The following CADM2 variants were observed in gnomAD, a reference collection of about 807,000 sequenced individuals.
CADM2 encodes the protein immunoglobulin superfamily member 4D.
In CADM2, 12 loss-of-function variants were observed where a neutral mutation model predicts 49.8. The observed-to-expected ratio is 0.24, with a 90% CI of 0.15 to 0.39. The LOEUF (loss-of-function observed/expected upper bound fraction) is 0.39, where lower values mean the gene tolerates loss of function less well. Ranked by LOEUF, CADM2 falls within the 10% of genes least tolerant of loss-of-function variation. The pLI, the probability that CADM2 is intolerant of heterozygous loss-of-function variation, is 1.00. For synonymous variants in CADM2, 214 were observed against 175.4 expected (o/e 1.22, Z -1.74); for missense variants, 378 against 492.3 (o/e 0.77, Z 2.20).
chr3:85,946,949 A>T (rs866726140), intron 7 of CADM2, among the ~76,000 whole-genome samples: 68 of 152,284 alleles, frequency 4.5e-4, no homozygotes, highest in African/African-American at 1.6e-3. Flanking sequence ...GATAAATGAG[A>T]TATAATTAAA....
At chr3:85,670,859 C>T (rs990128156) in intron 1 of CADM2, among the ~76,000 whole-genome samples, 1 of 152,232 alleles carries the variant, frequency 6.6e-6, no homozygotes, top group South Asian at 2.1e-4. Context: ...TGGCCTTATT[C>T]TTTCTGTATT....
intron 8 of CADM2, among the ~76,000 whole-genome samples, chr3:86,043,908 A>T (rs1031011535): frequency 6.6e-6 from 1 of 152,212 alleles, no homozygotes; most frequent in Non-Finnish European, 1.5e-5. Flanking sequence ...ATAGTGCTGC[A>T]TATCTACAAC....
Position 85,029,742 on chromosome 3 carries a change from C to T in CADM2, c.61+70074C>T, listed in dbSNP as rs148336104. 4.6e-3 allele frequency among the ~76,000 whole-genome samples: 707 copies of T among 152,284 alleles called. 5 individuals are homozygous for T. The highest frequency in any genetic ancestry group is 7.5e-3 in the Non-Finnish European group (508 of 68,024). On this transcript the variant is annotated intron_variant, in intron 1 of 9. Transcript: ENST00000383699. ...TCTTCAGATCCATTCTCAACCTGCT[C>T]ATCTCTCTACAAACTCTTGGTACTT...
intron 1 of CADM2, among the ~76,000 whole-genome samples, chr3:85,551,170 C>T (rs891291679): frequency 5.9e-5 from 9 of 151,964 alleles, no homozygotes; most frequent in South Asian, 2.1e-4. Context: ...TTTGTAGAGA[C>T]GAGGTTTCTC....
At chr3:85,545,054 C>T (rs1440923986) in intron 1 of CADM2, among the ~76,000 whole-genome samples, 3 of 152,012 alleles carry the variant, frequency 2.0e-5, no homozygotes, top group Non-Finnish European at 2.9e-5. Flanking sequence ...TTCTATAAGT[C>T]TTGGCAGTTT....
chr3:85,259,254 G>A lies in CADM2; in HGVS notation c.61+299586G>A, dbSNP rs534260228. Among the ~76,000 whole-genome samples the A allele has an allele frequency of 2.0e-5, 3 of 152,220 alleles. No individual in the cohort carries two copies. In the East Asian group the frequency reaches 5.8e-4, roughly 29 times the overall value. On this transcript the variant is annotated intron_variant, in intron 1 of 9. Coordinates refer to ENST00000383699, the MANE Select transcript of CADM2 (RefSeq NM_001167675.2). ...GTGATGTAGGTGGATATTTCTTCCT[G>A]TATTTCTGGCCCTGAAACTTATGAA...
At chr3:85,543,472 C>T (rs1367728833) in intron 1 of CADM2, among the ~76,000 whole-genome samples, 9 of 76,314 alleles carry the variant, frequency 1.2e-4, no homozygotes, top group South Asian at 7.8e-4. Context: ...TTAGTAGAAA[C>T]GGGGTTTTAC....
chr3:85,147,241 C>G (rs1255707855), intron 1 of CADM2, among the ~76,000 whole-genome samples: 2 of 126,662 alleles, frequency 1.6e-5, no homozygotes, highest in African/African-American at 5.8e-5. Context: ...TGCCACAGCA[C>G]TCCAAGCCTG....
chr3:85,685,990 G>A (rs577275085), intron 1 of CADM2, among the ~76,000 whole-genome samples: 3 of 152,236 alleles, frequency 2.0e-5, no homozygotes, highest in South Asian at 2.1e-4. Flanking sequence ...ATGATTTTAC[G>A]TGGCTATAGA....
intron 1 of CADM2, among the ~76,000 whole-genome samples, chr3:85,618,377 A>G (rs1227702513): frequency 6.6e-6 from 1 of 152,172 alleles, no homozygotes; most frequent in African/African-American, 2.4e-5. Context: ...TCCATTATTC[A>G]GTTACACTGT....
At chr3:85,802,234 T>G in intron 3 of CADM2, 38 bp downstream of exon 3, 1 of 1,532,788 alleles carries the variant, frequency 6.5e-7, no homozygotes, top group Non-Finnish European at 8.9e-7. Context: ...AATCGTATTC[T>G]AAAATATCCT....
At chr3:85,528,103 A>G (rs1470728081) in intron 1 of CADM2, among the ~76,000 whole-genome samples, 2 of 152,132 alleles carry the variant, frequency 1.3e-5, no homozygotes, top group Non-Finnish European at 2.9e-5. Flanking sequence ...TTTCAAGTTT[A>G]TACATTTTCC....
chr3:85,021,411 A>T (rs2034505033), intron 1 of CADM2, among the ~76,000 whole-genome samples: 1 of 152,190 alleles, frequency 6.6e-6, no homozygotes, highest in African/African-American at 2.4e-5. Context: ...AACAGGCATT[A>T]TCTAACAAGC....
At chr3:85,228,113 C>G (rs779771213) in intron 1 of CADM2, among the ~76,000 whole-genome samples, 2 of 151,992 alleles carry the variant, frequency 1.3e-5, no homozygotes, top group Non-Finnish European at 2.9e-5. Flanking sequence ...TGAGGTTGCT[C>G]TTTTTGAGGA....
At chr3:85,479,996 T>C (rs1171506897) in intron 1 of CADM2, among the ~76,000 whole-genome samples, 1 of 151,888 alleles carries the variant, frequency 6.6e-6, no homozygotes, top group Non-Finnish European at 1.5e-5. Context: ...TTATGTATTT[T>C]ATACTATTTT....
At chr3:85,301,635 G>C (rs1423926893) in intron 1 of CADM2, among the ~76,000 whole-genome samples, 1 of 151,982 alleles carries the variant, frequency 6.6e-6, no homozygotes, top group Non-Finnish European at 1.5e-5. Context: ...TTTACATATA[G>C]TCTGCTTGCC....
At chr3:85,201,698 A>C (rs546095980) in intron 1 of CADM2, among the ~76,000 whole-genome samples, 1 of 152,256 alleles carries the variant, frequency 6.6e-6, no homozygotes, top group South Asian at 2.1e-4. Context: ...AAATATTCTA[A>C]AATTTTGTTG....
intron 1 of CADM2, among the ~76,000 whole-genome samples, chr3:85,334,417 C>T (rs913057245): frequency 6.6e-6 from 1 of 151,442 alleles, no homozygotes; most frequent in East Asian, 1.9e-4. Context: ...TTAAGACAGC[C>T]GTCGCCAGCT....
At position 85,383,401 on chromosome 3, in the gene CADM2, G is replaced by T. The variant is rs1198393707; in HGVS notation, c.62-343121G>T. 2.6e-5 allele frequency among the ~76,000 whole-genome samples: 4 copies of T among 151,262 alleles called. No homozygotes were observed. The South Asian group carries it at 8.3e-4, about 31-fold the overall frequency. On this transcript the variant is annotated intron_variant, in intron 1 of 9. Coordinates refer to ENST00000383699, the MANE Select transcript of CADM2 (RefSeq NM_001167675.2). The stretch of plus-strand genomic sequence containing the variant: ...ATTAGATAATTTCATTAGATAAATT[G>T]AATTAGATAAATCAGAAAATTAGAA...
Sources: gnomAD v4.1 joint callset for allele counts (sites outside exome capture counted in the v4.1 genomes callset) on GRCh38, gnomAD v4.1.1 for gene constraint, MANE v1.5 for transcripts, NCBI Gene and HGNC (gene_info 2026-07-23, HGNC 2026-07-21) for gene names.